ST6GAL1: variants seen among roughly 807,000 people sequenced by gnomAD.
ST6GAL1 encodes the protein ST6 beta-galactoside alpha-2,6-sialyltransferase 1.
Under a neutral mutation model 38.0 loss-of-function variants are expected in ST6GAL1, and 20 were observed. The ratio of observed to expected loss-of-function variants is 0.53; its 90% CI spans 0.37 to 0.77. The LOEUF (loss-of-function observed/expected upper bound fraction) is 0.77, where lower values mean the gene tolerates loss of function less well. ST6GAL1 is among the 30% of genes least tolerant of loss of function. The pLI is 0.00. For missense variants in ST6GAL1, 432 were observed against 496.4 expected, an observed-to-expected ratio of 0.87 and a Z score of 1.23; for synonymous variants, 196 against 188.2, an observed-to-expected ratio of 1.04 and a Z score of -0.34.
At chr3:186,963,457 C>T (rs1714997615) in intron 1 of ST6GAL1, among the ~76,000 whole-genome samples, 1 of 152,210 alleles carries the variant, frequency 6.6e-6, no homozygotes, top group Non-Finnish European at 1.5e-5. Context: ...GATTGAAATC[C>T]ATTGTCCGCA....
intron 5 of ST6GAL1, among the ~76,000 whole-genome samples, chr3:187,063,432 T>C (rs964302096): frequency 3.9e-5 from 6 of 152,182 alleles, no homozygotes; most frequent in South Asian, 2.1e-4. Context: ...TAATTGTCAT[T>C]GAGGTGAGTG....
intron 1 of ST6GAL1, among the ~76,000 whole-genome samples, chr3:186,931,875 C>T (rs542072393): frequency 1.3e-5 from 2 of 152,352 alleles, no homozygotes; most frequent in African/African-American, 4.8e-5. Flanking sequence ...GAAAGAAATT[C>T]CGAGGTCCGG....
At position 187,075,368 on chromosome 3, in the gene ST6GAL1, C is replaced by T. The variant is rs546464648; in HGVS notation, c.980-194C>T. 1.3e-5 allele frequency among the ~76,000 whole-genome samples: 2 copies of T among 152,328 alleles called. No individual in the cohort carries two copies. Among genetic ancestry groups the T allele is most frequent in the African/African-American group, 4.8e-5 (2 of 41,578 alleles). On this transcript the variant is annotated intron_variant, in intron 7 of 7. Coordinates refer to ENST00000169298, the MANE Select transcript of ST6GAL1 (RefSeq NM_173216.2). The surrounding 1 kb of genome is among the most constrained non-coding windows in gnomAD (Gnocchi z 4.1). The stretch of plus-strand genomic sequence containing the variant: ...GGGATTCAAAGGTGTATAACCCTCA[C>T]ACAGCCCTGCATCCTAAGGAACACT...
chr3:186,977,679 C>T (rs1291772565), intron 2 of ST6GAL1, among the ~76,000 whole-genome samples: 1 of 152,164 alleles, frequency 6.6e-6, no homozygotes, highest in Admixed American at 6.5e-5. Context: ...CTCAGGAGGG[C>T]TAATTCCATC....
intron 5 of ST6GAL1, among the ~76,000 whole-genome samples, chr3:187,071,798 A>G (rs1215027530): frequency 4.7e-5 from 7 of 150,530 alleles, no homozygotes; most frequent in Admixed American, 4.0e-4. Flanking sequence ...AAAAAAAAGA[A>G]AAAGAAAATG....
chr3:186,951,535 C>T lies in ST6GAL1; in HGVS notation c.-324-12250C>T, dbSNP rs1373861538. ...AAATCAAAGTCTTTGTGAGGTTGACCTGGGCACCAGTATCTCTTTGTTAAC... is the reference window on the plus strand; with the variant it reads ...AAATCAAAGTCTTTGTGAGGTTGACTTGGGCACCAGTATCTCTTTGTTAAC... On this transcript the variant is annotated intron_variant, in intron 1 of 7. Coordinates refer to ENST00000169298, the MANE Select transcript of ST6GAL1 (RefSeq NM_173216.2). 2.4e-4 allele frequency among the ~76,000 whole-genome samples: 37 copies of T among 152,164 alleles called. 2 individuals carry two copies. Among genetic ancestry groups the T allele is most frequent in the Non-Finnish European group, 7.4e-5 (5 of 68,022 alleles).
intron 2 of ST6GAL1, among the ~76,000 whole-genome samples, chr3:186,992,647 A>T (rs1034616251): frequency 2.0e-5 from 3 of 152,076 alleles, no homozygotes; most frequent in Admixed American, 6.6e-5. Context: ...TACAAAAAAA[A>T]TTAGCTGCAT....
rs939926297 is a variant in ST6GAL1 at position 186,974,907 on chromosome 3, T to C, written c.-183+10981T>C. On this transcript the variant is annotated intron_variant, in intron 2 of 7. Transcript: ENST00000169298. The stretch of plus-strand genomic sequence containing the variant: ...TCTGCTTTCTACCCTGTAACTCTTA[T>C]TGGAAGGCAAGGCAAAGGCCTTCTT... 8 of 152,330 alleles carry C rather than the reference T, an allele frequency of 5.3e-5. No individual in the cohort carries two copies. The East Asian group carries it at 5.8e-4, about 11-fold the overall frequency. The allele number at this position is 152,330 out of a possible 1,614,324, so 9.4% of individuals were successfully genotyped here. A position where few individuals can be genotyped will look rare whatever the true frequency, so the allele number is the denominator to read the frequency against.
intron 2 of ST6GAL1, among the ~76,000 whole-genome samples, chr3:186,973,197 A>G (rs1006047503): frequency 2.6e-5 from 4 of 151,968 alleles, no homozygotes; most frequent in Non-Finnish European, 5.9e-5. Flanking sequence ...CATCATGCCC[A>G]GCTAATTTTT....
At chr3:186,948,641 T>C (rs2108519494) in intron 1 of ST6GAL1, 1 of 152,292 alleles carries the variant, frequency 6.6e-6, no homozygotes, top group Admixed American at 6.6e-5. Context: ...CGTTTCTTCC[T>C]TATCTCACTG....
intron 1 of ST6GAL1, among the ~76,000 whole-genome samples, chr3:186,934,819 T>G (rs1212554834): frequency 6.6e-6 from 1 of 151,814 alleles, no homozygotes; most frequent in African/African-American, 2.4e-5. Context: ...CAGGCTGGAG[T>G]GCAGTGGTGC....
intron 1 of ST6GAL1, among the ~76,000 whole-genome samples, chr3:186,959,162 A>G (rs958542709): frequency 6.6e-6 from 1 of 152,178 alleles, no homozygotes; most frequent in Non-Finnish European, 1.5e-5. Flanking sequence ...GCATATGGCA[A>G]TGGCAGAAGA....
chr3:187,040,877 C>T (rs1056118953), intron 3 of ST6GAL1, among the ~76,000 whole-genome samples: 1 of 152,186 alleles, frequency 6.6e-6, no homozygotes, highest in Non-Finnish European at 1.5e-5. Flanking sequence ...GTCACTGGTT[C>T]CTGAGGTCTG....
At chr3:187,064,665 G>A (rs1426298284) in intron 5 of ST6GAL1, 1 of 455,348 alleles carries the variant, frequency 2.2e-6, no homozygotes, top group African/African-American at 2.0e-5. Context: ...CTAAGTATCT[G>A]GCTGTTCCTT....
chr3:186,993,901 A>T (rs1436926304), intron 2 of ST6GAL1, among the ~76,000 whole-genome samples: 1 of 152,170 alleles, frequency 6.6e-6, no homozygotes, highest in African/African-American at 2.4e-5. Flanking sequence ...GATGATAATG[A>T]TAATAATCAT....
rs148715906 is a variant in ST6GAL1 at position 187,067,813 on chromosome 3, G to T, written c.706-5036G>T. Among the ~76,000 whole-genome samples, 358 of 152,250 alleles carry T rather than the reference G, an allele frequency of 2.4e-3. 2 individuals are homozygous for T. Among genetic ancestry groups the T allele is most frequent in the African/African-American group, 7.6e-3 (317 of 41,548 alleles). Reference sequence around the variant, plus strand: ...GTTCTAACTGTGCCACAAACTCATCGTAGCCTTAGACAATTCTCTTGTCTC... The same window carrying T: ...GTTCTAACTGTGCCACAAACTCATCTTAGCCTTAGACAATTCTCTTGTCTC... On this transcript the variant is annotated intron_variant, in intron 5 of 7. Transcript: ENST00000169298.
intron 2 of ST6GAL1, among the ~76,000 whole-genome samples, chr3:187,029,093 A>AAAAAAAAAAAG (rs1046316100): frequency 1.3e-5 from 2 of 151,404 alleles, no homozygotes; most frequent in Non-Finnish European, 2.9e-5. Context: ...GTCTCTAAAA[A>AAAAAAAAAAAG]AAAAAAGAAT....
chr3:187,022,278 A>G (rs567238265), intron 2 of ST6GAL1, among the ~76,000 whole-genome samples: 1 of 152,212 alleles, frequency 6.6e-6, no homozygotes, highest in African/African-American at 2.4e-5. Flanking sequence ...ATGGTCACAT[A>G]AGTCATCTTC....
rs1349063151 is a variant in ST6GAL1, at chr3:187,076,611, CTG to C, written c.*812_*813del. 5.2e-6 allele frequency: 2 copies of C among 386,018 alleles called. No individual in the cohort carries two copies. The highest frequency in any genetic ancestry group is 9.1e-6 in the Non-Finnish European group (2 of 219,032). The allele number at this position is 386,018 out of a possible 1,614,324, so 23.9% of individuals were successfully genotyped here. A position where few individuals can be genotyped will look rare whatever the true frequency, so the allele number is the denominator to read the frequency against. On this transcript the variant is annotated 3_prime_UTR_variant, in exon 8 of 8. Coordinates refer to ENST00000169298, the MANE Select transcript of ST6GAL1 (RefSeq NM_173216.2). Reference sequence around the variant, plus strand: ...ACCCAGGAGGGCCACGCACTTAAAACTGTGTTTGTGGATCAGAGAAGGCTTTA... The same window carrying C: ...ACCCAGGAGGGCCACGCACTTAAAACTGTTTGTGGATCAGAGAAGGCTTTA...
Sources: allele counts gnomAD v4.1 joint callset (sites outside exome capture counted in the v4.1 genomes callset), GRCh38; gene constraint gnomAD v4.1.1; non-coding constraint Gnocchi (gnomAD v3.1); transcripts MANE v1.5; gene names NCBI Gene and HGNC (gene_info 2026-07-23, HGNC 2026-07-21).